CNTN5: variants seen among roughly 807,000 people sequenced by gnomAD.
The protein encoded by CNTN5 is contactin 5.
A neutral mutation model predicts 129.1 loss-of-function variants in CNTN5; 77 were observed. The ratio of observed to expected loss-of-function variants is 0.60; its 90% CI spans 0.50 to 0.72. CNTN5 has a LOEUF of 0.72. Ranked by LOEUF, CNTN5 falls within the 30% of genes least tolerant of loss-of-function variation. The pLI is 0.00. For synonymous variants in CNTN5, 509 were observed against 465.6 expected (o/e 1.09, Z -1.20); for missense variants, 1,478 against 1,328.8 (o/e 1.11, Z -1.75).
intron 1 of CNTN5, among the ~76,000 whole-genome samples, chr11:99,051,279 T>C (rs1864416204): frequency 6.6e-6 from 1 of 151,964 alleles, no homozygotes. Context: ...TTTAATTCAA[T>C]GTAATGGCAT....
At chr11:99,735,192 G>C (rs1485635564) in intron 3 of CNTN5, among the ~76,000 whole-genome samples, 1 of 144,656 alleles carries the variant, frequency 6.9e-6, no homozygotes, top group Non-Finnish European at 1.5e-5. Context: ...TACGTTCTAA[G>C]GTGTGTTAGT....
At position 99,731,879 on chromosome 11, in the gene CNTN5, G is replaced by T. The variant is rs183586537; in HGVS notation, c.56-87665G>T. The stretch of plus-strand genomic sequence containing the variant: ...TTAAGTATAGCACAAGGCTAGCCCA[G>T]ATTCAAAGGAGAAAAACTCCTTCTC... On this transcript the variant is annotated intron_variant, in intron 3 of 24. Coordinates refer to ENST00000524871, the MANE Select transcript of CNTN5 (RefSeq NM_014361.4). 2.6e-5 allele frequency among the ~76,000 whole-genome samples: 4 copies of T among 152,294 alleles called. No homozygotes were observed. The East Asian group carries it at 5.8e-4, about 22-fold the overall frequency.
chr11:99,937,223 T>C (rs538246048), intron 7 of CNTN5, among the ~76,000 whole-genome samples: 2 of 152,336 alleles, frequency 1.3e-5, no homozygotes, highest in South Asian at 4.1e-4. Context: ...AATTAGAATA[T>C]GCCCATGTAT....
chr11:99,213,750 C>T (rs1859963229), intron 1 of CNTN5, among the ~76,000 whole-genome samples: 1 of 151,960 alleles, frequency 6.6e-6, no homozygotes, highest in Non-Finnish European at 1.5e-5. Context: ...CTAAGATAGC[C>T]TTTGGATTAT....
At chr11:99,213,448 ATG>A (rs199924194) in intron 1 of CNTN5, among the ~76,000 whole-genome samples, 2,164 of 145,770 alleles carry the variant, frequency 0.015, 37 homozygotes, top group African/African-American at 0.031. Context: ...ATACACATAT[ATG>A]TATATACATA....
At chr11:99,427,659 G>C (rs886677602) in intron 2 of CNTN5, among the ~76,000 whole-genome samples, 6 of 150,302 alleles carry the variant, frequency 4.0e-5, no homozygotes, top group Non-Finnish European at 4.4e-5. Context: ...CCAGGTACTT[G>C]GGAGGCTGAG....
At position 100,325,905 on chromosome 11, in the gene CNTN5, T is replaced by C. The variant is rs1951778820; in HGVS notation, c.2731-14558T>C. On this transcript the variant is annotated intron_variant, in intron 21 of 24. Transcript: ENST00000524871. ...AAGAAAAACCTTAGAAAGAAGGAAA[T>C]GAATGATTAGCTTTAGTATGAATTC... is the stretch of plus-strand genomic sequence containing the variant. Among the ~76,000 whole-genome samples the C allele has an allele frequency of 2.0e-5, 3 of 152,306 alleles. No individual in the cohort carries two copies. In the South Asian group the frequency reaches 6.2e-4, roughly 32 times the overall value.
chr11:99,609,694 A>T (rs184838382), intron 3 of CNTN5, among the ~76,000 whole-genome samples: 1 of 152,238 alleles, frequency 6.6e-6, no homozygotes, highest in East Asian at 1.9e-4. Context: ...TTGAGATAAG[A>T]TAGGTATCAT....
chr11:99,491,007 G>T (rs1946013814), intron 2 of CNTN5, among the ~76,000 whole-genome samples: 1 of 151,986 alleles, frequency 6.6e-6, no homozygotes, highest in Non-Finnish European at 1.5e-5. Context: ...AGCTCAAGTT[G>T]CATATGTGGG....
chr11:99,677,117 G>C (rs1953321457), intron 3 of CNTN5, among the ~76,000 whole-genome samples: 1 of 152,076 alleles, frequency 6.6e-6, no homozygotes, highest in Non-Finnish European at 1.5e-5. Flanking sequence ...TATGTTTTCT[G>C]ATGTTACACA....
intron 3 of CNTN5, among the ~76,000 whole-genome samples, chr11:99,746,710 C>A (rs1312713671): frequency 6.6e-6 from 1 of 152,208 alleles, no homozygotes. Context: ...CTGCCCTACG[C>A]CCTCTTCTTG....
chr11:100,054,304 C>T (rs1021130807), intron 9 of CNTN5, among the ~76,000 whole-genome samples: 2 of 151,762 alleles, frequency 1.3e-5, no homozygotes, highest in African/African-American at 4.8e-5. Context: ...GATGTGAATA[C>T]AGGCAGTGAT....
At chr11:99,300,803 G>A (rs1864600767) in intron 1 of CNTN5, among the ~76,000 whole-genome samples, 1 of 151,782 alleles carries the variant, frequency 6.6e-6, no homozygotes, top group Non-Finnish European at 1.5e-5. Context: ...AAAAAGGGCA[G>A]GTAAAAGTAA....
chr11:100,248,032 A>AT (rs1384754239), intron 16 of CNTN5, among the ~76,000 whole-genome samples: 3 of 152,116 alleles, frequency 2.0e-5, no homozygotes, highest in African/African-American at 4.8e-5. Flanking sequence ...TCCATGATTG[A>AT]TTGCCATGCC....
intron 1 of CNTN5, among the ~76,000 whole-genome samples, chr11:99,123,146 A>T (rs950131329): frequency 7.9e-5 from 12 of 152,008 alleles, no homozygotes; most frequent in Non-Finnish European, 1.5e-4. Context: ...GGCTGAAATA[A>T]CTTACTTTCC....
chr11:99,765,568 T>A (rs2135303414), intron 3 of CNTN5, among the ~76,000 whole-genome samples: 1 of 151,784 alleles, frequency 6.6e-6, no homozygotes, highest in Non-Finnish European at 1.5e-5. Context: ...TATATATTTC[T>A]TTGTAGTAAG....
chr11:99,727,694 A>G (rs1565466662), intron 3 of CNTN5, among the ~76,000 whole-genome samples: 1 of 152,172 alleles, frequency 6.6e-6, no homozygotes, highest in Non-Finnish European at 1.5e-5. Context: ...GAAGAGATAT[A>G]TGGGTTCACT....
At position 99,770,346 on chromosome 11, in the gene CNTN5, C is replaced by T. The variant is rs564009879; in HGVS notation, c.56-49198C>T. ...ATCTGTTCCTTTCAACTTGTTAACA[C>T]ATCCTCATAAGAGATCATTTTCATT... is the stretch of plus-strand genomic sequence containing the variant. On this transcript the variant is annotated intron_variant, in intron 3 of 24. Transcript: ENST00000524871. Among the ~76,000 whole-genome samples, 6 of 152,126 alleles carry T rather than the reference C, an allele frequency of 3.9e-5. No homozygotes were observed. The East Asian group carries it at 5.8e-4, about 15-fold the overall frequency.
intron 2 of CNTN5, among the ~76,000 whole-genome samples, chr11:99,349,435 C>T (rs1294957228): frequency 6.6e-6 from 1 of 152,066 alleles, no homozygotes; most frequent in Admixed American, 6.6e-5. Flanking sequence ...GATTTTTTTC[C>T]CCTGGTTTTG....
Sources: gnomAD v4.1 joint callset for allele counts (sites outside exome capture counted in the v4.1 genomes callset) on GRCh38, gnomAD v4.1.1 for gene constraint, MANE v1.5 for transcripts, NCBI Gene and HGNC (gene_info 2026-07-23, HGNC 2026-07-21) for gene names.